The following ADARB2 variants were observed in gnomAD, a reference collection of about 807,000 sequenced individuals.
ADARB2 encodes adenosine deaminase RNA specific B2 (inactive), also known as inactive double-stranded RNA-specific editase B2.
Under a neutral mutation model 62.2 loss-of-function variants are expected in ADARB2, and 25 were observed. The observed-to-expected ratio is 0.40, with a 90% confidence interval of 0.29 to 0.56. The LOEUF (loss-of-function observed/expected upper bound fraction) is 0.56, where lower values mean the gene tolerates loss of function less well. Among genes scored for constraint, ADARB2 ranks in the 20% least tolerant of loss-of-function variants. The pLI is 0.43. For missense variants in ADARB2, 1,071 were observed against 1,077.4 expected (o/e 0.99, Z 0.08); for synonymous variants, 572 against 500.8 (o/e 1.14, Z -1.90).
intron 3 of ADARB2, among the ~76,000 whole-genome samples, chr10:1,302,190 G>A (rs1404285321): frequency 1.3e-5 from 2 of 152,236 alleles, no homozygotes; most frequent in East Asian, 3.8e-4. Context: ...GCGAGCCGAA[G>A]CAGGGCGAGG....
chr10:1,302,174 C>T (rs1427098207), intron 3 of ADARB2, among the ~76,000 whole-genome samples: 1 of 152,150 alleles, frequency 6.6e-6, no homozygotes, highest in African/African-American at 2.4e-5. Flanking sequence ...GGTGCGCACA[C>T]CGTGCGCGAG....
intron 9 of ADARB2, among the ~76,000 whole-genome samples, chr10:1,184,245 C>T (rs1385622729): frequency 6.6e-6 from 1 of 152,180 alleles, no homozygotes; most frequent in Non-Finnish European, 1.5e-5. Flanking sequence ...ATGAGAGAGG[C>T]ATTTTTTATG....
In ADARB2 at chr10:1,323,987, T is replaced by C. The variant is rs1251576216; in HGVS notation, c.1077+39041A>G. On this transcript the variant is annotated intron_variant, in intron 3 of 9. Coordinates refer to ENST00000381312, the MANE Select transcript of ADARB2 (RefSeq NM_018702.4). ...ACAAGCCATAAACTGCGAGGAAATA[T>C]CTGCAACTCACTTGCCTGACAAAGA... Among the ~76,000 whole-genome samples the C allele has an allele frequency of 3.3e-5, 5 of 152,312 alleles. No homozygotes were observed. In the East Asian group the frequency reaches 9.6e-4, roughly 29 times the overall value.
chr10:1,489,508 G>C (rs1461624021), intron 1 of ADARB2, among the ~76,000 whole-genome samples: 1 of 152,234 alleles, frequency 6.6e-6, no homozygotes, highest in African/African-American at 2.4e-5. Flanking sequence ...CACTTAATGT[G>C]TTGCCCATTA....
intron 1 of ADARB2, among the ~76,000 whole-genome samples, chr10:1,601,321 C>T (rs1334909848): frequency 6.6e-6 from 1 of 152,188 alleles, no homozygotes; most frequent in Non-Finnish European, 1.5e-5. Context: ...GGCCATCGGA[C>T]AGAATCCAGG....
At chr10:1,493,482 T>A (rs1285207083) in intron 1 of ADARB2, among the ~76,000 whole-genome samples, 2 of 152,194 alleles carry the variant, frequency 1.3e-5, no homozygotes, top group Non-Finnish European at 2.9e-5. Context: ...TCTGTTTCTC[T>A]GTGTGCTACA....
In ADARB2 at chr10:1,623,389, C is replaced by T. The variant is rs1833730492; in HGVS notation, c.100+113662G>A. Among the ~76,000 whole-genome samples the T allele has an allele frequency of 2.0e-5, 3 of 152,318 alleles. No homozygotes were observed. In the South Asian group the frequency reaches 6.2e-4, roughly 32 times the overall value. On this transcript the variant is annotated intron_variant, in intron 1 of 9. Transcript: ENST00000381312. ...AATGCTGCAACAAATACATGAACTG[C>T]AAACTACAGTAGTTTCTACTGTATA...
chr10:1,703,811 C>T (rs1293810572), intron 1 of ADARB2, among the ~76,000 whole-genome samples: 1 of 152,158 alleles, frequency 6.6e-6, no homozygotes, highest in Non-Finnish European at 1.5e-5. Context: ...ATTAAGTCCA[C>T]CAAATCTTTT....
intron 3 of ADARB2, 83 bp downstream of exon 3, chr10:1,362,945 C>A (rs886623486): frequency 3.3e-6 from 4 of 1,206,064 alleles, no homozygotes; most frequent in East Asian, 3.2e-5. Flanking sequence ...GAAGCCTGGA[C>A]GCCACTCCCA....
At chr10:1,257,362 C>G (rs1831089276) in intron 4 of ADARB2, among the ~76,000 whole-genome samples, 1 of 152,238 alleles carries the variant, frequency 6.6e-6, no homozygotes, top group Admixed American at 6.5e-5. Context: ...TGGCTCCTCC[C>G]TGAGCCACCT....
intron 1 of ADARB2, among the ~76,000 whole-genome samples, chr10:1,476,442 C>G (rs576473796): frequency 1.1e-4 from 16 of 152,160 alleles, no homozygotes; most frequent in Non-Finnish European, 1.9e-4. Context: ...TGACTGTGCT[C>G]GTAAAAGTCC....
At chr10:1,344,703 C>T (rs1832062425) in intron 3 of ADARB2, among the ~76,000 whole-genome samples, 1 of 152,198 alleles carries the variant, frequency 6.6e-6, no homozygotes, top group South Asian at 2.1e-4. Context: ...AGAGTGAAAG[C>T]CGTGGACATG....
chr10:1,502,488 C>G (rs994854148), intron 1 of ADARB2, among the ~76,000 whole-genome samples: 2 of 152,250 alleles, frequency 1.3e-5, no homozygotes, highest in African/African-American at 4.8e-5. Context: ...GGTTTTGGGT[C>G]ACCCCTCCCA....
At chr10:1,591,526 G>A (rs1011362148) in intron 1 of ADARB2, among the ~76,000 whole-genome samples, 22 of 152,270 alleles carry the variant, frequency 1.4e-4, no homozygotes, top group African/African-American at 5.1e-4. Context: ...CCCTTTTGGG[G>A]GTTGGGGGAC....
chr10:1,689,301 T>C (rs1834637865), intron 1 of ADARB2, among the ~76,000 whole-genome samples: 1 of 152,180 alleles, frequency 6.6e-6, no homozygotes. Flanking sequence ...ACAGGAAGAT[T>C]GTAGGTGAGT....
rs746518169 is a variant in ADARB2 at position 1,704,665 on chromosome 10, G to A, written c.100+32386C>T. On this transcript the variant is annotated intron_variant, in intron 1 of 9. Coordinates refer to ENST00000381312, the MANE Select transcript of ADARB2 (RefSeq NM_018702.4). The surrounding 1 kb of genome is among the most constrained non-coding windows in gnomAD (Gnocchi z 5.6). ...TCTGAGTTAAAGCATCTAACTCTGG[G>A]GTTTTGTGAGGGGTACATATAAAGT... 1.1e-4 allele frequency among the ~76,000 whole-genome samples: 17 copies of A among 152,280 alleles called. No homozygotes were observed. The Middle Eastern group carries it at 0.01, about 91-fold the overall frequency.
chr10:1,599,429 TACTGCC>T (rs1833379266), intron 1 of ADARB2, among the ~76,000 whole-genome samples: 1 of 152,244 alleles, frequency 6.6e-6, no homozygotes, highest in Non-Finnish European at 1.5e-5. Flanking sequence ...TAGCTGTGAA[TACTGCC>T]ACTGTCATCA....
chr10:1,265,000 T>C (rs1160865336), intron 4 of ADARB2, among the ~76,000 whole-genome samples: 1 of 152,238 alleles, frequency 6.6e-6, no homozygotes. Flanking sequence ...TTTCTAGTTA[T>C]TAATAAACTC....
At chr10:1,420,751 GAGA>G (rs1832845476) in intron 1 of ADARB2, among the ~76,000 whole-genome samples, 1 of 152,134 alleles carries the variant, frequency 6.6e-6, no homozygotes, top group African/African-American at 2.4e-5. Context: ...ACAGAAGCAG[GAGA>G]AGATGTAATT....
Sources: allele counts gnomAD v4.1 joint callset (sites outside exome capture counted in the v4.1 genomes callset), GRCh38; gene constraint gnomAD v4.1.1; non-coding constraint Gnocchi (gnomAD v3.1); transcripts MANE v1.5; gene names NCBI Gene and HGNC (gene_info 2026-07-23, HGNC 2026-07-21).